TIMP3: variants seen among roughly 807,000 people sequenced by gnomAD.
TIMP3 encodes the protein TIMP metallopeptidase inhibitor 3.
In TIMP3, 11 loss-of-function variants were observed where a neutral mutation model predicts 30.0. That is an observed-to-expected ratio of 0.37 (90% CI 0.23 to 0.61). TIMP3 has a LOEUF of 0.61. TIMP3 is among the 20% of genes least tolerant of loss of function. The pLI, the probability that TIMP3 is intolerant of heterozygous loss-of-function variation, is 0.70. For synonymous variants in TIMP3, 112 were observed against 111.3 expected, an observed-to-expected ratio of 1.01 and a Z score of -0.04; for missense variants, 181 against 276.8, an observed-to-expected ratio of 0.65 and a Z score of 2.45.
intron 1 of TIMP3, among the ~76,000 whole-genome samples, chr22:32,814,595 G>C (rs2047038659): frequency 6.6e-6 from 1 of 152,190 alleles, no homozygotes; most frequent in Non-Finnish European, 1.5e-5. Flanking sequence ...TTGGCAGCTG[G>C]ATAGATTTTA....
chr22:32,818,881 G>C (rs891471431), intron 1 of TIMP3, among the ~76,000 whole-genome samples: 1 of 152,198 alleles, frequency 6.6e-6, no homozygotes, highest in Non-Finnish European at 1.5e-5. Flanking sequence ...CTGAAGCCAC[G>C]GGCCAGGCAG....
chr22:32,852,396 G>C (rs990268451), intron 2 of TIMP3, among the ~76,000 whole-genome samples: 1 of 152,190 alleles, frequency 6.6e-6, no homozygotes, highest in African/African-American at 2.4e-5. Flanking sequence ...CAGCAGTGTA[G>C]GGCTGGACTT....
At chr22:32,853,663 C>T (rs1453349940) in intron 2 of TIMP3, among the ~76,000 whole-genome samples, 1 of 152,206 alleles carries the variant, frequency 6.6e-6, no homozygotes, top group Non-Finnish European at 1.5e-5. Flanking sequence ...CCAGCTTTAA[C>T]TACTCTTGTT....
chr22:32,844,343 T>C (rs957027085), intron 1 of TIMP3, among the ~76,000 whole-genome samples: 1 of 152,184 alleles, frequency 6.6e-6, no homozygotes, highest in African/African-American at 2.4e-5. Context: ...CCAATTGCCA[T>C]TGGAAAATTG....
At chr22:32,856,233 A>C (rs1438679375) in intron 2 of TIMP3, among the ~76,000 whole-genome samples, 2 of 152,096 alleles carry the variant, frequency 1.3e-5, no homozygotes, top group Non-Finnish European at 2.9e-5. Flanking sequence ...GACCTTTGTC[A>C]CAGCTACTTC....
intron 1 of TIMP3, among the ~76,000 whole-genome samples, chr22:32,840,994 C>T (rs1012884075): frequency 2.6e-5 from 4 of 152,126 alleles, no homozygotes; most frequent in African/African-American, 4.8e-5. Flanking sequence ...CCCTGTGAAC[C>T]GAGAATTGCT....
intron 3 of TIMP3, 136 bp downstream of exon 3, chr22:32,857,496 C>A: frequency 1.3e-6 from 1 of 746,100 alleles, no homozygotes; most frequent in South Asian, 1.5e-5. Context: ...TTGAATTCAT[C>A]CCACTTACCC....
chr22:32,823,666 GC>G (rs1302849220), intron 1 of TIMP3, among the ~76,000 whole-genome samples: 1 of 152,156 alleles, frequency 6.6e-6, no homozygotes, highest in African/African-American at 2.4e-5. Context: ...ATGGTAACTG[GC>G]TGAGGCAGGA....
intron 1 of TIMP3, among the ~76,000 whole-genome samples, chr22:32,839,272 T>C (rs1323822057): frequency 1.3e-5 from 2 of 152,044 alleles, no homozygotes; most frequent in Non-Finnish European, 2.9e-5. Context: ...GGTGAGGATG[T>C]AAATGAGGGT....
intron 1 of TIMP3, among the ~76,000 whole-genome samples, chr22:32,825,366 G>C (rs1482072324): frequency 1.3e-5 from 2 of 152,056 alleles, no homozygotes; most frequent in African/African-American, 4.8e-5. Flanking sequence ...ATGCTAAGAT[G>C]TGTGTATGTG....
chr22:32,827,622 A>G (rs971780258), intron 1 of TIMP3, among the ~76,000 whole-genome samples: 12 of 152,092 alleles, frequency 7.9e-5, no homozygotes, highest in African/African-American at 2.9e-4. Context: ...CTCCCCTACA[A>G]TCCTTTCTCC....
intron 4 of TIMP3, among the ~76,000 whole-genome samples, chr22:32,858,699 T>C (rs1440044598): frequency 6.6e-6 from 1 of 152,196 alleles, no homozygotes; most frequent in Non-Finnish European, 1.5e-5. Flanking sequence ...GTGGTTTTAA[T>C]TACTATGATC....
At chr22:32,806,794 A>T (rs917688640) in intron 1 of TIMP3, among the ~76,000 whole-genome samples, 1 of 152,022 alleles carries the variant, frequency 6.6e-6, no homozygotes, top group Non-Finnish European at 1.5e-5. Flanking sequence ...TCATCTATCT[A>T]TCTATCTCTC....
At chr22:32,827,017 C>G (rs1455029867) in intron 1 of TIMP3, among the ~76,000 whole-genome samples, 1 of 152,192 alleles carries the variant, frequency 6.6e-6, no homozygotes, top group Non-Finnish European at 1.5e-5. Flanking sequence ...CCCTGCTGCT[C>G]TGAGCACTGA....
chr22:32,847,611 A>G (rs986695855), intron 1 of TIMP3, among the ~76,000 whole-genome samples: 3 of 152,234 alleles, frequency 2.0e-5, no homozygotes, highest in African/African-American at 7.2e-5. Flanking sequence ...GATTTTTTAA[A>G]AACAGAGATT....
Position 32,837,272 on chromosome 22 carries a change from T to A in TIMP3, c.122-12180T>A, listed in dbSNP as rs2047759163. On this transcript the variant is annotated intron_variant, in intron 1 of 4. Transcript: ENST00000266085. The surrounding 1 kb of genome is among the most constrained non-coding windows in gnomAD (Gnocchi z 4.1). ...TATTCTGGTGGCCACTTGTGTGGGATAAAGTTTCCCATGGGCCCCCGTGGA... is the reference window on the plus strand; with the variant it reads ...TATTCTGGTGGCCACTTGTGTGGGAAAAAGTTTCCCATGGGCCCCCGTGGA... 6.6e-6 allele frequency among the ~76,000 whole-genome samples: 1 copy of A among 152,156 alleles called. No homozygotes were observed. Among genetic ancestry groups the A allele is most frequent in the Non-Finnish European group, 1.5e-5 (1 of 68,038 alleles).
chr22:32,833,568 C>T (rs1415351799), intron 1 of TIMP3, among the ~76,000 whole-genome samples: 2 of 152,182 alleles, frequency 1.3e-5, no homozygotes, highest in Non-Finnish European at 2.9e-5. Flanking sequence ...CCCACCCAAC[C>T]TAAAGTCTGT....
At chr22:32,840,729 G>A (rs1478850039) in intron 1 of TIMP3, among the ~76,000 whole-genome samples, 1 of 152,138 alleles carries the variant, frequency 6.6e-6, no homozygotes, top group African/African-American at 2.4e-5. Flanking sequence ...AGGATGGGCT[G>A]AGGCTCAGAT....
intron 1 of TIMP3, among the ~76,000 whole-genome samples, chr22:32,820,786 A>C (rs530467165): frequency 2.0e-5 from 3 of 152,330 alleles, no homozygotes; most frequent in East Asian, 1.9e-4. Flanking sequence ...TTGAAAGCCA[A>C]GTCAACAGAT....
Sources: allele counts gnomAD v4.1 joint callset (sites outside exome capture counted in the v4.1 genomes callset), GRCh38; gene constraint gnomAD v4.1.1; non-coding constraint Gnocchi (gnomAD v3.1); transcripts MANE v1.5; gene names NCBI Gene and HGNC (gene_info 2026-07-23, HGNC 2026-07-21).